EPHX2: variants seen among roughly 807,000 people sequenced by gnomAD.
EPHX2 encodes the protein epoxide hydrolase 2, also known as bifunctional epoxide hydrolase 2.
EPHX2 carries 74 observed loss-of-function variants against 78.7 expected under a neutral mutation model. That is an observed-to-expected ratio of 0.94 (90% CI 0.78 to 1.14). EPHX2 has a LOEUF of 1.14. Among genes scored for constraint, EPHX2 ranks in the 50% most tolerant of loss-of-function variants. EPHX2 has a pLI of 0.00. For missense variants in EPHX2, 715 were observed against 702.5 expected (o/e 1.02, Z -0.20); for synonymous variants, 251 against 255.2 (o/e 0.98, Z 0.16).
At chr8:27,538,826 TCGGC>T in intron 14 of EPHX2, 134 bp downstream of exon 14, 1 of 939,536 alleles carries the variant, frequency 1.1e-6, no homozygotes, top group Non-Finnish European at 1.7e-6. Context: ...CAGGGTCCCC[TCGGC>T]ATGCATAGGG....
chr8:27,539,939 G>A (rs1333211178), intron 14 of EPHX2, among the ~76,000 whole-genome samples: 1 of 152,186 alleles, frequency 6.6e-6, no homozygotes, highest in East Asian at 1.9e-4. Context: ...TTGAGGCTGT[G>A]CCCTGTGAAA....
chr8:27,494,046 A>G (rs1035257253), intron 1 of EPHX2, among the ~76,000 whole-genome samples: 6 of 152,160 alleles, frequency 3.9e-5, no homozygotes, highest in Non-Finnish European at 8.8e-5. Context: ...TATGTTTGCC[A>G]TTACAAAACC....
rs577845049 is a variant in EPHX2, at chr8:27,519,712, T to C, written c.946-1171T>C. ...CGCCACAGACTAGGCACTTCAACAATAGACGTTTGTTTTCTCACAGTTTTG... is the reference window on the plus strand; with the variant it reads ...CGCCACAGACTAGGCACTTCAACAACAGACGTTTGTTTTCTCACAGTTTTG... On this transcript the variant is annotated intron_variant, in intron 9 of 18. Coordinates refer to ENST00000521400, the MANE Select transcript of EPHX2 (RefSeq NM_001979.6). Among the ~76,000 whole-genome samples, 5 of 152,316 alleles carry C rather than the reference T, an allele frequency of 3.3e-5. No individual in the cohort carries two copies. The East Asian group carries it at 5.8e-4, about 18-fold the overall frequency.
chr8:27,492,137 A>G (rs1223687658), intron 1 of EPHX2, among the ~76,000 whole-genome samples: 2 of 152,204 alleles, frequency 1.3e-5, no homozygotes, highest in South Asian at 4.1e-4. Flanking sequence ...TGTCCAAATC[A>G]CATAGCTGTT....
rs374736036 is a variant in EPHX2, at chr8:27,540,510, C to A, written c.1277-44C>A. ...AGGTCCCCACCTTAAAATGCAGACA[C>A]CTGGCCCGGGGATGGGAAAGTCAAC... On this transcript the variant is annotated intron_variant, in intron 14 of 18. Coordinates refer to ENST00000521400, the MANE Select transcript of EPHX2 (RefSeq NM_001979.6). The A allele has an allele frequency of 3.7e-4, 592 of 1,583,430 alleles. 1 individual carries two copies. Among genetic ancestry groups the A allele is most frequent in the Non-Finnish European group, 4.9e-4 (569 of 1,152,816 alleles).
chr8:27,493,965 G>C (rs1317689027), intron 1 of EPHX2, among the ~76,000 whole-genome samples: 1 of 152,088 alleles, frequency 6.6e-6, no homozygotes, highest in African/African-American at 2.4e-5. Context: ...TGAAAGAGGG[G>C]ATAAGAAGAC....
intron 12 of EPHX2, among the ~76,000 whole-genome samples, chr8:27,531,972 A>G (rs1443876666): frequency 1.3e-5 from 2 of 152,158 alleles, no homozygotes; most frequent in African/African-American, 4.8e-5. Flanking sequence ...AAGTCTAGAC[A>G]AAACTCCATC....
intron 11 of EPHX2, among the ~76,000 whole-genome samples, chr8:27,525,097 T>TGC (rs1423674316): frequency 6.5e-4 from 89 of 137,026 alleles, no homozygotes; most frequent in Admixed American, 1.9e-3. Context: ...TGTGTGTGTG[T>TGC]GTGTGTGTGT....
chr8:27,521,518 A>C (rs531761441), intron 10 of EPHX2, among the ~76,000 whole-genome samples: 1 of 152,220 alleles, frequency 6.6e-6, no homozygotes, highest in African/African-American at 2.4e-5. Context: ...AAGGCCTCTT[A>C]ATTGGATGTG....
intron 5 of EPHX2, among the ~76,000 whole-genome samples, chr8:27,507,227 T>G (rs1462210927): frequency 6.6e-6 from 1 of 152,184 alleles, no homozygotes; most frequent in East Asian, 1.9e-4. Flanking sequence ...CTAGTGTTAG[T>G]GCCAGGGCCG....
At chr8:27,545,794 G>A (rs1446051814), downstream of EPHX2, among the ~76,000 whole-genome samples, 1 of 152,078 alleles carries the variant, frequency 6.6e-6, no homozygotes, top group Non-Finnish European at 1.5e-5. Flanking sequence ...CATGATGACG[G>A]GCATGAGTTG....
intron 13 of EPHX2, among the ~76,000 whole-genome samples, chr8:27,538,230 T>C (rs1815274609): frequency 6.6e-6 from 1 of 152,198 alleles, no homozygotes; most frequent in African/African-American, 2.4e-5. Context: ...ATTTTTTTTC[T>C]AATCAATTTT....
chr8:27,547,464 A>G (rs1299571307), downstream of EPHX2, among the ~76,000 whole-genome samples: 1 of 152,254 alleles, frequency 6.6e-6, no homozygotes, highest in African/African-American at 2.4e-5. Flanking sequence ...GTACATATTC[A>G]TGGGGTACAT....
At chr8:27,542,389 A>G (rs1295446260) in intron 16 of EPHX2, among the ~76,000 whole-genome samples, 1 of 152,206 alleles carries the variant, frequency 6.6e-6, no homozygotes, top group East Asian at 1.9e-4. Context: ...TTCTTCTGCA[A>G]TATGCAAGTG....
chr8:27,504,789 G>A (rs1236272248), intron 3 of EPHX2, among the ~76,000 whole-genome samples, 167 bp from the exon 4 acceptor site: 2 of 152,138 alleles, frequency 1.3e-5, no homozygotes, highest in African/African-American at 4.8e-5. Context: ...AGGTGTTCAT[G>A]GGTCAAGATG....
intron 16 of EPHX2, 82 bp downstream of exon 16, chr8:27,541,624 C>A: frequency 6.8e-7 from 1 of 1,467,514 alleles, no homozygotes; most frequent in Non-Finnish European, 9.5e-7. Context: ...CTGATATGAC[C>A]TGGGCCAGAG....
downstream of EPHX2, among the ~76,000 whole-genome samples, chr8:27,546,607 A>G (rs1296593759): frequency 1.3e-5 from 2 of 152,204 alleles, no homozygotes; most frequent in Non-Finnish European, 2.9e-5. Context: ...AAAACCTAAA[A>G]GCGTCCTTTA....
intron 2 of EPHX2, among the ~76,000 whole-genome samples, chr8:27,501,360 CTT>C (rs769397195): frequency 7.8e-6 from 1 of 127,448 alleles, no homozygotes; most frequent in African/African-American, 3.2e-5. Flanking sequence ...TCTTCTTCTT[CTT>C]CTTCTTCTTC....
Position 27,520,899 on chromosome 8 carries a change from T to C in EPHX2, c.962T>C (p.Leu321Pro). 6.2e-7 allele frequency: 1 copy of C among 1,614,220 alleles called. No individual in the cohort carries two copies. The highest frequency in any genetic ancestry group is 8.5e-7 in the Non-Finnish European group (1 of 1,180,036). ...EVLCKEMVTF[L>P]DKLGLSQAVF... The stretch of plus-strand genomic sequence containing the variant: ...CTTCCTTAGGAGATGGTAACCTTCC[T>C]GGATAAACTGGTAAGTCATTATTTT... Residue 321 changes from leucine (L) to proline (P), a missense_variant, in exon 10 of 19, where the codon CTG (leucine) becomes CCG (proline). Transcript: ENST00000521400.
Sources: gnomAD v4.1 joint callset for allele counts (sites outside exome capture counted in the v4.1 genomes callset) on GRCh38, gnomAD v4.1.1 for gene constraint, MANE v1.5 for transcripts, NCBI Gene and HGNC (gene_info 2026-07-23, HGNC 2026-07-21) for gene names.